Variants in ZFHX3 observed in about 807,000 individuals in gnomAD.
ZFHX3 encodes the protein zinc finger homeobox 3.
ZFHX3 carries 42 observed loss-of-function variants against 279.1 expected under a neutral mutation model. The observed-to-expected ratio is 0.15, with a 90% CI of 0.12 to 0.19. ZFHX3 has a LOEUF of 0.19. Among genes scored for constraint, ZFHX3 ranks in the 10% least tolerant of loss-of-function variants. The pLI is 1.00. For missense variants in ZFHX3, 4,981 were observed against 4,754.0 expected (o/e 1.05, Z -1.40); for synonymous variants, 2,293 against 1,957.8 (o/e 1.17, Z -4.52).
intron 3 of ZFHX3, among the ~76,000 whole-genome samples, chr16:73,369,546 C>T (rs2143335282): frequency 6.6e-6 from 1 of 152,250 alleles, no homozygotes; most frequent in East Asian, 1.9e-4. Flanking sequence ...GGAGACCATT[C>T]CTGCCTCACA....
At chr16:72,908,525 G>A (rs17618144) in intron 3 of ZFHX3, among the ~76,000 whole-genome samples, 25,723 of 152,194 alleles carry the variant, frequency 0.17, 2,573 homozygotes, top group Middle Eastern at 0.22. Context: ...AAGAGGAATT[G>A]ATTACTTGAT....
intron 4 of ZFHX3, among the ~76,000 whole-genome samples, chr16:72,837,411 G>C (rs1471713059): frequency 1.3e-5 from 2 of 151,370 alleles, no homozygotes; most frequent in South Asian, 4.2e-4. Flanking sequence ...AAGTGGAGAA[G>C]ATGGGGTCAG....
At chr16:73,365,563 T>C (rs1336560059) in intron 3 of ZFHX3, among the ~76,000 whole-genome samples, 1 of 152,176 alleles carries the variant, frequency 6.6e-6, no homozygotes, top group African/African-American at 2.4e-5. Flanking sequence ...AGTTAGTAAA[T>C]GGTGCAGCTG....
At chr16:73,392,910 A>G (rs1467334823) in intron 3 of ZFHX3, among the ~76,000 whole-genome samples, 2 of 152,120 alleles carry the variant, frequency 1.3e-5, no homozygotes, top group East Asian at 3.9e-4. Context: ...TCTCTGCTCA[A>G]TGCAAACTCC....
intron 4 of ZFHX3, among the ~76,000 whole-genome samples, chr16:72,859,830 C>A (rs1269544754): frequency 6.6e-6 from 1 of 152,094 alleles, no homozygotes; most frequent in African/African-American, 2.4e-5. Context: ...TGGGCCACTC[C>A]GTGTTCATAT....
At chr16:73,680,440 A>G (rs974975496) in intron 1 of ZFHX3, among the ~76,000 whole-genome samples, 5 of 152,234 alleles carry the variant, frequency 3.3e-5, no homozygotes, top group African/African-American at 1.2e-4. Context: ...ATCTCAAAAC[A>G]GAAGCACTGT....
At chr16:73,174,968 C>T (rs1378774568) in intron 5 of ZFHX3, among the ~76,000 whole-genome samples, 1 of 151,858 alleles carries the variant, frequency 6.6e-6, no homozygotes, top group East Asian at 1.9e-4. Flanking sequence ...GTGGAGGCTG[C>T]AGTGAACCGA....
Position 73,396,620 on chromosome 16 carries a change from G to C in ZFHX3, c.-1291+59383C>G, listed in dbSNP as rs552907803. Among the ~76,000 whole-genome samples the C allele has an allele frequency of 6.3e-4, 96 of 152,220 alleles. 2 individuals are homozygous for C. The South Asian group carries it at 0.019, about 30-fold the overall frequency. ...AGCAAGTACATCTTATATGGCAGCA[G>C]GAGAGAGAGAGACAGAAGGGGGAAG... On this transcript the variant is annotated intron_variant, in intron 3 of 17. Coordinates refer to the ZFHX3 transcript ENST00000641206.
chr16:72,817,216 C>G (rs562549412), intron 5 of ZFHX3, among the ~76,000 whole-genome samples: 2 of 152,316 alleles, frequency 1.3e-5, no homozygotes, highest in African/African-American at 4.8e-5. Flanking sequence ...CTGATAAAAC[C>G]ATTCTTGCTA....
At chr16:72,862,713 AG>A (rs1236169222) in intron 4 of ZFHX3, among the ~76,000 whole-genome samples, 3 of 152,208 alleles carry the variant, frequency 2.0e-5, no homozygotes, top group Non-Finnish European at 4.4e-5. Context: ...CAGAAAACAC[AG>A]GGGTACAGAA....
chr16:73,890,306 A>T (rs1198072409), intron 1 of ZFHX3, among the ~76,000 whole-genome samples: 1 of 151,602 alleles, frequency 6.6e-6, no homozygotes, highest in East Asian at 1.9e-4. Context: ...CTCTGTGCAC[A>T]TTTGCAGGTG....
intron 5 of ZFHX3, among the ~76,000 whole-genome samples, chr16:73,254,519 T>C (rs2144960744): frequency 6.6e-6 from 1 of 152,168 alleles, no homozygotes; most frequent in South Asian, 2.1e-4. Flanking sequence ...CATGGGATTC[T>C]TTTTTGAAAT....
intron 1 of ZFHX3, among the ~76,000 whole-genome samples, chr16:73,803,039 G>T (rs1334797009): frequency 1.3e-5 from 2 of 152,152 alleles, no homozygotes; most frequent in African/African-American, 4.8e-5. Flanking sequence ...GACCTCAGGA[G>T]ATTTGCCCGC....
chr16:73,483,881 C>T (rs1221013763), intron 2 of ZFHX3, among the ~76,000 whole-genome samples: 2 of 150,894 alleles, frequency 1.3e-5, no homozygotes, highest in Non-Finnish European at 2.9e-5. Context: ...AAGAAAAGCG[C>T]AGGCGGCTGT....
chr16:72,845,824 C>T (rs932711139), intron 4 of ZFHX3, among the ~76,000 whole-genome samples: 7 of 152,166 alleles, frequency 4.6e-5, no homozygotes, highest in Admixed American at 1.3e-4. Flanking sequence ...AATCATCACT[C>T]AGCTGAAGTA....
intron 2 of ZFHX3, among the ~76,000 whole-genome samples, chr16:72,953,116 A>G (rs1037523633): frequency 2.0e-5 from 3 of 152,218 alleles, no homozygotes; most frequent in African/African-American, 7.2e-5. Context: ...TCTGCTAAGC[A>G]GACCAGCAGC....
chr16:72,871,345 T>TC (rs2038156069), intron 4 of ZFHX3, among the ~76,000 whole-genome samples: 2 of 149,436 alleles, frequency 1.3e-5, no homozygotes, highest in African/African-American at 4.9e-5. Context: ...CCGGCTAATT[T>TC]TTTTTTTTTT....
chr16:73,202,924 T>G (rs1386558467), intron 5 of ZFHX3, among the ~76,000 whole-genome samples: 2 of 148,102 alleles, frequency 1.4e-5, no homozygotes, highest in Non-Finnish European at 3.0e-5. Context: ...TTTTTTTTTT[T>G]TTTGCCTCCA....
intron 1 of ZFHX3, among the ~76,000 whole-genome samples, chr16:72,987,374 G>A (rs117323399): frequency 0.011 from 1,684 of 152,242 alleles, 37 homozygotes; most frequent in East Asian, 0.099. Flanking sequence ...TGATGTGGAG[G>A]CTGCTTCCAC....
Sources: gnomAD v4.1 joint callset for allele counts (sites outside exome capture counted in the v4.1 genomes callset) on GRCh38, gnomAD v4.1.1 for gene constraint, MANE v1.5 for transcripts, NCBI Gene and HGNC (gene_info 2026-07-23, HGNC 2026-07-21) for gene names.